GOLGA4: variants seen among roughly 807,000 people sequenced by gnomAD.
The protein encoded by GOLGA4 is golgin A4.
Under a neutral mutation model 265.9 loss-of-function variants are expected in GOLGA4, and 169 were observed. That is an observed-to-expected ratio of 0.64 (90% CI 0.56 to 0.72). GOLGA4 has a LOEUF of 0.72. Ranked by LOEUF, GOLGA4 falls within the 30% of genes least tolerant of loss-of-function variation. The pLI, the probability that GOLGA4 is intolerant of heterozygous loss-of-function variation, is 0.00. For missense variants in GOLGA4, 2,482 were observed against 2,483.4 expected, an observed-to-expected ratio of 1.00 and a Z score of 0.01; for synonymous variants, 923 against 855.8, an observed-to-expected ratio of 1.08 and a Z score of -1.37.
Position 37,296,126 on chromosome 3 carries a change from A to G in GOLGA4, c.721A>G (p.Asn241Asp). 6.2e-7 allele frequency: 1 copy of G among 1,613,546 alleles called. No homozygotes were observed. Among genetic ancestry groups the G allele is most frequent in the Non-Finnish European group, 8.5e-7 (1 of 1,179,456 alleles). ...LKQRLRNGPMNVDVLKPLPQL... is the reference protein window; with the variant it reads ...LKQRLRNGPMDVDVLKPLPQL... ...ACAACGATTACGAAATGGCCCGATGAATGTTGATGTACTGAAACCACTTCC... is the reference window on the plus strand; with the variant it reads ...ACAACGATTACGAAATGGCCCGATGGATGTTGATGTACTGAAACCACTTCC... The change falls in exon 7 of 24, where the codon AAT becomes GAT. Residue 241 changes from asparagine to aspartate, a missense_variant. Physicochemically the swap from Asn to Asp is conservative, Grantham distance 23. Around this residue, in one of 3 missense-constraint regions of GOLGA4, gnomAD observed 1,536 missense variants for 1,483.7 expected, o/e 1.04. Transcript: ENST00000361924.
At chr3:37,301,227 G>A (rs982464329) in intron 9 of GOLGA4, among the ~76,000 whole-genome samples, 1 of 152,142 alleles carries the variant, frequency 6.6e-6, no homozygotes, top group African/African-American at 2.4e-5. Flanking sequence ...CTTTTTTACT[G>A]TATACCATTT....
chr3:37,339,632 A>G (rs2097026258), intron 19 of GOLGA4, among the ~76,000 whole-genome samples: 1 of 152,202 alleles, frequency 6.6e-6, no homozygotes, highest in Non-Finnish European at 1.5e-5. Context: ...TTCTCCAGTG[A>G]CTAGTGATGT....
At chr3:37,337,618 A>G (rs1388528909) in intron 18 of GOLGA4, 48 bp from the exon 19 acceptor site, 2 of 1,262,302 alleles carry the variant, frequency 1.6e-6, no homozygotes, top group Non-Finnish European at 1.2e-6. Context: ...GTGTCTGGGC[A>G]ATAATGAAAC....
chr3:37,330,353 G>C (rs1054899465), intron 16 of GOLGA4, among the ~76,000 whole-genome samples: 3 of 152,128 alleles, frequency 2.0e-5, no homozygotes, highest in Non-Finnish European at 4.4e-5. Flanking sequence ...CTTAGAGAAG[G>C]CAGTTATTTA....
At chr3:37,335,255 T>C in intron 17 of GOLGA4, 89 bp downstream of exon 17, 1 of 695,668 alleles carries the variant, frequency 1.4e-6, no homozygotes, top group Non-Finnish European at 2.5e-6. Flanking sequence ...CATACATATT[T>C]ATCTCATTTA....
intron 19 of GOLGA4, 58 bp downstream of exon 19, chr3:37,337,792 G>T: frequency 9.3e-7 from 1 of 1,074,850 alleles, no homozygotes; most frequent in Non-Finnish European, 1.4e-6. Context: ...TATGTACTTG[G>T]ATCTCAGCTA....
At chr3:37,344,081 T>G (rs1345986754) in intron 20 of GOLGA4, among the ~76,000 whole-genome samples, 1 of 152,222 alleles carries the variant, frequency 6.6e-6, no homozygotes, top group African/African-American at 2.4e-5. Flanking sequence ...AAAAGCAGGA[T>G]AAATTCTGTC....
At chr3:37,275,671 G>A (rs1228587839) in intron 2 of GOLGA4, 22 of 1,611,498 alleles carry the variant, frequency 1.4e-5, no homozygotes, top group East Asian at 4.5e-5. Context: ...CGGGGTGGGC[G>A]CGGAGAAGAC....
chr3:37,340,495 A>G (rs1332126011), intron 20 of GOLGA4, among the ~76,000 whole-genome samples: 2 of 152,188 alleles, frequency 1.3e-5, no homozygotes, highest in Admixed American at 6.5e-5. Context: ...CAAGAATACA[A>G]TAAATTGGGT....
At chr3:37,296,274 C>T (rs2096878142) in intron 7 of GOLGA4, 55 bp downstream of exon 7, 3 of 1,571,652 alleles carry the variant, frequency 1.9e-6, no homozygotes, top group East Asian at 4.5e-5. Context: ...AGCCAGGCTC[C>T]TTGGCTTACA....
At position 37,329,231 on chromosome 3, in the gene GOLGA4, G is replaced by A. The variant is rs2096982371; in HGVS notation, c.6192+138G>A. 3.8e-5 allele frequency: 24 copies of A among 631,898 alleles called. No individual in the cohort carries two copies. The South Asian group carries it at 5.1e-4, about 14-fold the overall frequency. The allele number at this position is 631,898 out of a possible 1,614,324, so 39.1% of individuals were successfully genotyped here. A position where few individuals can be genotyped will look rare whatever the true frequency, so the allele number is the denominator to read the frequency against. On this transcript the variant is annotated intron_variant, in intron 16 of 23. Transcript: ENST00000361924. ...TTTTGACTCAATATTATTCAAATTA[G>A]TACTGTTATATGCAGATTTATAAAG...
chr3:37,307,982 C>T (rs1012955594), intron 10 of GOLGA4, among the ~76,000 whole-genome samples: 7 of 152,016 alleles, frequency 4.6e-5, no homozygotes, highest in Non-Finnish European at 1.0e-4. Flanking sequence ...GCCCGAAATC[C>T]CAGCACTTTG....
At chr3:37,304,141 A>G (rs1238074611) in intron 10 of GOLGA4, among the ~76,000 whole-genome samples, 1 of 152,150 alleles carries the variant, frequency 6.6e-6, no homozygotes, top group African/African-American at 2.4e-5. Context: ...TTTTTGGGGG[A>G]ATATAAGATA....
chr3:37,342,899 A>G (rs2097041638), intron 20 of GOLGA4, among the ~76,000 whole-genome samples: 1 of 152,112 alleles, frequency 6.6e-6, no homozygotes, highest in South Asian at 2.1e-4. Context: ...TGCTGGATAT[A>G]TAATTTTTTT....
intron 2 of GOLGA4, among the ~76,000 whole-genome samples, chr3:37,264,370 C>G (rs1403288419): frequency 6.6e-6 from 1 of 151,794 alleles, no homozygotes; most frequent in African/African-American, 2.4e-5. Flanking sequence ...ATGATGATAC[C>G]CTAGAGCCAA....
intron 10 of GOLGA4, among the ~76,000 whole-genome samples, chr3:37,312,133 T>C (rs1359831863): frequency 1.3e-5 from 2 of 152,232 alleles, no homozygotes; most frequent in Non-Finnish European, 2.9e-5. Flanking sequence ...TTCTGTGAAT[T>C]ACTCAGAAAT....
At chr3:37,274,386 GA>G (rs563375667) in intron 2 of GOLGA4, among the ~76,000 whole-genome samples, 5,850 of 151,432 alleles carry the variant, frequency 0.039, 142 homozygotes, top group African/African-American at 0.056. Context: ...AAAAAAGGAA[GA>G]AAAAAAAATC....
chr3:37,271,862 G>A (rs550532243), intron 2 of GOLGA4, among the ~76,000 whole-genome samples: 5 of 152,268 alleles, frequency 3.3e-5, no homozygotes, highest in South Asian at 2.1e-4. Context: ...TCCATCACCC[G>A]CATTACCACT....
At chr3:37,247,407 T>G (rs1218961037) in intron 1 of GOLGA4, among the ~76,000 whole-genome samples, 2 of 152,174 alleles carry the variant, frequency 1.3e-5, no homozygotes, top group Admixed American at 1.3e-4. Flanking sequence ...ACAAGTACTT[T>G]CAGTGTAATA....
Sources: allele counts gnomAD v4.1 joint callset (sites outside exome capture counted in the v4.1 genomes callset), GRCh38; gene constraint gnomAD v4.1.1; regional missense constraint gnomAD v4.1.1; transcripts MANE v1.5; gene names NCBI Gene and HGNC (gene_info 2026-07-23, HGNC 2026-07-21).